The following DST variants were observed in gnomAD, a reference collection of about 807,000 sequenced individuals.
DST encodes the protein dystonin.
DST carries 253 observed loss-of-function variants against 875.2 expected under a neutral mutation model. The observed-to-expected ratio is 0.29, with a 90% CI of 0.26 to 0.32. The LOEUF (loss-of-function observed/expected upper bound fraction) is 0.32. Ranked by LOEUF, DST falls within the 10% of genes least tolerant of loss-of-function variation. The probability of loss-of-function intolerance (pLI) is 1.00; values close to 1 mark genes in which losing one functional copy is unlikely to be tolerated. For missense variants in DST, 8,287 were observed against 9,111.6 expected (o/e 0.91, Z 3.68); for synonymous variants, 3,124 against 3,197.1 (o/e 0.98, Z 0.77).
intron 23 of DST, among the ~76,000 whole-genome samples, 199 bp downstream of exon 23, chr6:56,636,356 ATG>A (rs1157340635): frequency 1.3e-5 from 2 of 149,246 alleles, no homozygotes; most frequent in South Asian, 2.1e-4. Context: ...GTGTATATAT[ATG>A]TGTGTGTATA....
chr6:56,573,696 T>C lies in DST; in HGVS notation c.13219A>G (p.Ile4407Val). 1 of 1,613,006 alleles carries C rather than the reference T, an allele frequency of 6.2e-7. No individual in the cohort carries two copies. The highest frequency in any genetic ancestry group is 1.7e-4 in the Middle Eastern group (1 of 6,058). ...VPLNSTALQD[I>V]ISKNIMLEQD... ...TCACTTACAATGTTTTTACTGATAA[T>C]ATCCTGAAGAGCAGTAGAGTTTAAA... The change falls in exon 51 of 104, where the codon ATT becomes GTT. Residue 4407 changes from isoleucine to valine, a missense_variant. This residue lies in a region of DST where 1,513 missense variants were observed against 1,677.8 expected (regional missense o/e 0.90). Transcript: ENST00000680361.
chr6:56,881,300 G>A lies in DST; in HGVS notation c.417+19121C>T, dbSNP rs977618982. Among the ~76,000 whole-genome samples the A allele has an allele frequency of 2.8e-4, 42 of 151,310 alleles. 1 individual carries two copies. The highest frequency in any genetic ancestry group is 6.6e-5 in the Admixed American group (1 of 15,176). ...CCAACCTGGCCAACATAGTGAAACC[G>A]CATCTCTACTAAAAATACAAAAATT... is the stretch of plus-strand genomic sequence containing the variant. On this transcript the variant is annotated intron_variant, in intron 3 of 103. Coordinates refer to ENST00000680361, the MANE Select transcript of DST (RefSeq NM_001374736.1).
rs538004622 is a variant in DST at position 56,494,080 on chromosome 6, T to G, written c.20324A>C (p.Asn6775Thr). ...CAAGTTATTTATGTCTTGGTCAATA[T>G]TTGTCTCTGCAGATTTTGGGCATCT... ...LARCPKSAET[N>T]IDQDINNLKE... is the part of the protein sequence containing the mutation. Residue 6775 changes from asparagine (N) to threonine (T), a missense_variant, in exon 83 of 104, where the codon AAT (asparagine) becomes ACT (threonine). This residue lies in a region of DST where 1,292 missense variants were observed against 1,552.7 expected (regional missense o/e 0.83). Transcript: ENST00000680361. 6.2e-7 allele frequency: 1 copy of G among 1,611,822 alleles called. No homozygotes were observed. Among genetic ancestry groups the G allele is most frequent in the East Asian group, 2.2e-5 (1 of 44,844 alleles).
chr6:56,532,227 C>T (rs2096908509), intron 64 of DST, 117 bp downstream of exon 64: 3 of 940,816 alleles, frequency 3.2e-6, no homozygotes, highest in Admixed American at 2.3e-5. Context: ...TCTCTGTTCA[C>T]ATACATGATA....
At chr6:56,777,968 G>A (rs2099682569) in intron 4 of DST, among the ~76,000 whole-genome samples, 1 of 152,104 alleles carries the variant, frequency 6.6e-6, no homozygotes, top group African/African-American at 2.4e-5. Flanking sequence ...CTCCCAAAGT[G>A]CTAGGATTAC....
chr6:56,868,050 G>GT (rs1198946627), intron 3 of DST, among the ~76,000 whole-genome samples: 14 of 151,988 alleles, frequency 9.2e-5, no homozygotes, highest in Admixed American at 2.6e-4. Flanking sequence ...TTATTATGTA[G>GT]TTTTTTTAAA....
chr6:56,651,110 T>A (rs2098973525), intron 11 of DST, 22 bp downstream of exon 11: 1 of 1,593,656 alleles, frequency 6.3e-7, no homozygotes, highest in Non-Finnish European at 8.6e-7. Flanking sequence ...CCAGTCCACA[T>A]ATAATCAAGA....
chr6:56,823,968 G>C (rs1024465470), intron 4 of DST, among the ~76,000 whole-genome samples: 2 of 152,074 alleles, frequency 1.3e-5, no homozygotes, highest in Non-Finnish European at 2.9e-5. Flanking sequence ...GTATTAAAAA[G>C]ACTTACATAA....
intron 4 of DST, among the ~76,000 whole-genome samples, chr6:56,784,687 G>A (rs79781025): frequency 5.9e-5 from 9 of 152,206 alleles, no homozygotes; most frequent in South Asian, 2.1e-4. Flanking sequence ...CCTGTAGCTC[G>A]GAGTAGTTTG....
intron 2 of DST, among the ~76,000 whole-genome samples, chr6:56,951,088 G>A (rs1822038990): frequency 6.6e-6 from 1 of 152,162 alleles, no homozygotes. Flanking sequence ...TACCTGAAAA[G>A]GAACCGGCTA....
chr6:56,634,043 A>G (rs2152764646), intron 27 of DST, 89 bp downstream of exon 27: 3 of 1,488,504 alleles, frequency 2.0e-6, no homozygotes, highest in Non-Finnish European at 2.8e-6. Flanking sequence ...ACTCCATCCT[A>G]TTCTAAAGCA....
intron 4 of DST, among the ~76,000 whole-genome samples, chr6:56,811,013 A>G (rs1244613570): frequency 6.6e-6 from 1 of 151,492 alleles, no homozygotes; most frequent in Admixed American, 6.6e-5. Flanking sequence ...GAGACCCCCC[A>G]TCTCTACAAA....
chr6:56,469,262 A>C (rs1026290454), intron 97 of DST, among the ~76,000 whole-genome samples: 3 of 152,132 alleles, frequency 2.0e-5, no homozygotes, highest in Non-Finnish European at 4.4e-5. Flanking sequence ...TATAAAAATA[A>C]AAATAATATT....
chr6:56,891,022 G>A (rs187392512), intron 3 of DST, among the ~76,000 whole-genome samples: 33 of 152,262 alleles, frequency 2.2e-4, no homozygotes, highest in African/African-American at 7.2e-4. Context: ...GGCTTTAGAC[G>A]CATGTTGAAT....
Position 56,627,171 on chromosome 6 carries a change from T to C in DST, c.4722+33A>G, listed in dbSNP as rs754843212. On this transcript the variant is annotated intron_variant, in intron 34 of 103. Coordinates refer to ENST00000680361, the MANE Select transcript of DST (RefSeq NM_001374736.1). ...ACATGTAGAATCACAAACCTGAATA[T>C]TAAATTTTACTAAAGTTAATGAATC... 11 of 1,489,386 alleles carry C rather than the reference T, an allele frequency of 7.4e-6. No homozygotes were observed. In the African/African-American group the frequency reaches 1.2e-4, roughly 17 times the overall value. 92.3% of individuals were successfully genotyped at this position (1,489,386 alleles called of 1,614,324 possible).
intron 3 of DST, among the ~76,000 whole-genome samples, chr6:56,865,275 G>T (rs1042888068): frequency 1.3e-5 from 2 of 151,752 alleles, no homozygotes; most frequent in Non-Finnish European, 2.9e-5. Flanking sequence ...GTGTGTGTGT[G>T]TGTGTGTGTG....
intron 31 of DST, 34 bp downstream of exon 31, chr6:56,630,211 G>T: frequency 6.9e-7 from 1 of 1,454,962 alleles, no homozygotes; most frequent in Non-Finnish European, 9.6e-7. Flanking sequence ...TGTAGAATAC[G>T]ATATTTAAAA....
At chr6:56,829,055 G>C (rs917917743) in intron 4 of DST, among the ~76,000 whole-genome samples, 2 of 152,126 alleles carry the variant, frequency 1.3e-5, no homozygotes, top group Non-Finnish European at 2.9e-5. Context: ...TGGCCAACCA[G>C]AAATAGCTTG....
At chr6:56,888,735 C>T (rs189409678) in intron 3 of DST, among the ~76,000 whole-genome samples, 2 of 152,222 alleles carry the variant, frequency 1.3e-5, no homozygotes, top group East Asian at 1.9e-4. Context: ...TTAATTATTA[C>T]AAATTAAAGC....
Sources: gnomAD v4.1 joint callset for allele counts (sites outside exome capture counted in the v4.1 genomes callset) on GRCh38, gnomAD v4.1.1 for gene constraint, gnomAD v4.1.1 regional missense constraint, MANE v1.5 for transcripts, NCBI Gene and HGNC (gene_info 2026-07-23, HGNC 2026-07-21) for gene names.